The following CALU variants were observed in gnomAD, a reference collection of about 807,000 sequenced individuals.
CALU encodes calumenin, also known as IEF SSP 9302.
In CALU, 13 loss-of-function variants were observed where a neutral mutation model predicts 37.5. The ratio of observed to expected loss-of-function variants is 0.35; its 90% CI spans 0.23 to 0.55. The LOEUF is 0.55. Among genes scored for constraint, CALU ranks in the 20% least tolerant of loss-of-function variants. CALU has a pLI of 0.89. For synonymous variants in CALU, 114 were observed against 133.8 expected (o/e 0.85, Z 1.02); for missense variants, 282 against 391.7 (o/e 0.72, Z 2.36).
intron 3 of CALU, among the ~76,000 whole-genome samples, chr7:128,757,243 G>C (rs1221048885): frequency 6.6e-6 from 1 of 152,052 alleles, no homozygotes; most frequent in Non-Finnish European, 1.5e-5. Flanking sequence ...AAGTTGTCTT[G>C]TTATGTTTCT....
At chr7:128,765,262 C>A (rs913626112) in intron 5 of CALU, among the ~76,000 whole-genome samples, 5 of 152,102 alleles carry the variant, frequency 3.3e-5, no homozygotes, top group African/African-American at 1.2e-4. Context: ...ACTCTGTCAC[C>A]TAGGCTGGAG....
At chr7:128,744,743 A>C (rs1218067688) in intron 1 of CALU, among the ~76,000 whole-genome samples, 10 of 152,172 alleles carry the variant, frequency 6.6e-5, no homozygotes, top group Non-Finnish European at 1.5e-4. Flanking sequence ...GGAACAGCAC[A>C]GTCTGGGAAA....
intron 3 of CALU, among the ~76,000 whole-genome samples, chr7:128,757,892 A>C (rs751617442): frequency 1.4e-5 from 2 of 148,112 alleles, no homozygotes; most frequent in Non-Finnish European, 3.0e-5. Flanking sequence ...TCCAAATTCA[A>C]TTTGGTTGTA....
intron 5 of CALU, among the ~76,000 whole-genome samples, chr7:128,761,126 T>C (rs973505639): frequency 6.6e-6 from 1 of 152,234 alleles, no homozygotes; most frequent in African/African-American, 2.4e-5. Flanking sequence ...TTTTGACATT[T>C]CCCTTTTTAG....
At position 128,759,027 on chromosome 7, in the gene CALU, T is replaced by C. The variant is rs770602348; in HGVS notation, c.572T>C (p.Ile191Thr). ...HPEEYDYMKDIVVQETMEDID... is the reference protein window; with the variant it reads ...HPEEYDYMKDTVVQETMEDID... Reference sequence around the variant, plus strand: ...GAGGAGTATGACTACATGAAAGATATAGTAGTACAGGTGGGTGAGATGAAG... The same window carrying C: ...GAGGAGTATGACTACATGAAAGATACAGTAGTACAGGTGGGTGAGATGAAG... The change falls in exon 4 of 7, where the codon ATA becomes ACA. Residue 191 changes from isoleucine (I) to threonine (T), a missense_variant. Ile to Thr is a moderately conservative substitution (Grantham distance 89, BLOSUM62 -1). Transcript: ENST00000249364. 18 of 1,612,526 alleles carry C rather than the reference T, an allele frequency of 1.1e-5. No homozygotes were observed. The highest frequency in any genetic ancestry group is 1.1e-4 in the East Asian group (5 of 44,860).
chr7:128,752,046 T>C (rs1585006529), intron 2 of CALU, among the ~76,000 whole-genome samples: 1 of 152,148 alleles, frequency 6.6e-6, no homozygotes, highest in African/African-American at 2.4e-5. Context: ...ATGCCTAAAA[T>C]AGGATGTGCC....
intron 4 of CALU, among the ~76,000 whole-genome samples, 171 bp from the exon 5 acceptor site, chr7:128,759,621 C>G (rs1801022193): frequency 1.3e-5 from 2 of 152,156 alleles, no homozygotes; most frequent in African/African-American, 4.8e-5. Context: ...CATTTCTTGG[C>G]TAGAAATGGT....
At chr7:128,757,635 T>C (rs992384689) in intron 3 of CALU, among the ~76,000 whole-genome samples, 1 of 152,228 alleles carries the variant, frequency 6.6e-6, no homozygotes, top group Admixed American at 6.5e-5. Flanking sequence ...CCTTTTTATG[T>C]AATCAATATG....
chr7:128,744,090 C>G (rs1800340627), intron 1 of CALU, among the ~76,000 whole-genome samples: 1 of 152,082 alleles, frequency 6.6e-6, no homozygotes, highest in Admixed American at 6.6e-5. Context: ...CCTGTAATCC[C>G]AGCTATTGAG....
At chr7:128,762,387 C>CTTTT (rs1801155190) in intron 5 of CALU, among the ~76,000 whole-genome samples, 1 of 134,180 alleles carries the variant, frequency 7.5e-6, no homozygotes. Context: ...TTTTTTTTTA[C>CTTTT]AAGTCAGTAA....
At chr7:128,747,309 A>C (rs1041925546) in intron 1 of CALU, among the ~76,000 whole-genome samples, 14 of 152,022 alleles carry the variant, frequency 9.2e-5, no homozygotes, top group African/African-American at 3.4e-4. Flanking sequence ...TCTTCTACCC[A>C]TTTCTCTATG....
At chr7:128,757,419 C>T (rs1210545005) in intron 3 of CALU, among the ~76,000 whole-genome samples, 2 of 151,338 alleles carry the variant, frequency 1.3e-5, no homozygotes, top group African/African-American at 4.9e-5. Flanking sequence ...CCTTATGACT[C>T]GTTAAGCTGT....
At chr7:128,766,509 A>G (rs184547647) in intron 5 of CALU, among the ~76,000 whole-genome samples, 245 of 143,598 alleles carry the variant, frequency 1.7e-3, no homozygotes, top group Non-Finnish European at 2.9e-3. Flanking sequence ...GCTCACTGCA[A>G]CCTCTGCCTC....
At chr7:128,750,717 A>G (rs1585005227) in intron 2 of CALU, among the ~76,000 whole-genome samples, 1 of 152,182 alleles carries the variant, frequency 6.6e-6, no homozygotes, top group Non-Finnish European at 1.5e-5. Flanking sequence ...TTGGTGGGGT[A>G]ATGTATACCA....
chr7:128,757,706 A>G (rs1274322890), intron 3 of CALU, among the ~76,000 whole-genome samples: 2 of 152,144 alleles, frequency 1.3e-5, no homozygotes, highest in Non-Finnish European at 2.9e-5. Context: ...AAATATCTTC[A>G]TGTCTGTTAT....
chr7:128,772,076 TTTTGTTTTG>T lies in CALU; in HGVS notation c.*2913_*2921del, dbSNP rs1801600205. On this transcript the variant is annotated 3_prime_UTR_variant, in exon 7 of 7. Coordinates refer to ENST00000249364, the MANE Select transcript of CALU (RefSeq NM_001219.5). ...TGAGTTTTTTTTGTTTTTTTTTTTG[TTTTGTTTTG>T]TTTTTTCTTTATGTCTCTCCCATTT... Among the ~76,000 whole-genome samples the T allele has an allele frequency of 1.7e-5, 1 of 58,386 alleles. No individual in the cohort carries two copies. The highest frequency in any genetic ancestry group is 4.8e-5 in the Non-Finnish European group (1 of 20,848). The allele number at this position is 58,386 out of a possible 152,430, so 38.3% of individuals were successfully genotyped here. A position where few individuals can be genotyped will look rare whatever the true frequency, so the allele number is the denominator to read the frequency against.
chr7:128,763,431 T>G (rs199983765), intron 5 of CALU, among the ~76,000 whole-genome samples: 1 of 152,106 alleles, frequency 6.6e-6, no homozygotes, highest in Admixed American at 6.6e-5. Context: ...CTCAGGAGGC[T>G]GAGGCAGGAG....
intron 3 of CALU, 57 bp from the exon 4 acceptor site, chr7:128,758,814 A>T: frequency 8.2e-7 from 1 of 1,220,370 alleles, no homozygotes; most frequent in Non-Finnish European, 1.2e-6. Context: ...CCCACCCCAC[A>T]CATTTTCATG....
intron 1 of CALU, among the ~76,000 whole-genome samples, chr7:128,740,011 C>T (rs1358453265): frequency 6.6e-6 from 1 of 152,174 alleles, no homozygotes; most frequent in East Asian, 1.9e-4. Flanking sequence ...ATGTTTAGAG[C>T]TTCCATATTT....
Sources: gnomAD v4.1 joint callset for allele counts (sites outside exome capture counted in the v4.1 genomes callset) on GRCh38, gnomAD v4.1.1 for gene constraint, MANE v1.5 for transcripts, NCBI Gene and HGNC (gene_info 2026-07-23, HGNC 2026-07-21) for gene names.